Variants in LRGUK observed in about 807,000 individuals in gnomAD.
The protein encoded by LRGUK is leucine-rich repeat and guanylate kinase domain-containing protein.
In LRGUK, 65 loss-of-function variants were observed where a neutral mutation model predicts 76.0. The observed-to-expected ratio is 0.85, with a 90% confidence interval of 0.70 to 1.05. The LOEUF (loss-of-function observed/expected upper bound fraction) is 1.05, where lower values mean the gene tolerates loss of function less well. Among genes scored for constraint, LRGUK ranks in the 50% least tolerant of loss-of-function variants. The pLI, the probability that LRGUK is intolerant of heterozygous loss-of-function variation, is 0.00. For missense variants in LRGUK, 758 were observed against 732.8 expected (o/e 1.03, Z -0.40); for synonymous variants, 268 against 265.6 (o/e 1.01, Z -0.09).
At chr7:134,152,664 A>G (rs1479777352) in intron 5 of LRGUK, among the ~76,000 whole-genome samples, 2 of 152,104 alleles carry the variant, frequency 1.3e-5, no homozygotes, top group Non-Finnish European at 2.9e-5. Flanking sequence ...ACCACCGTGG[A>G]AAACAATTTT....
chr7:134,173,210 T>A (rs1016075017), intron 7 of LRGUK, among the ~76,000 whole-genome samples: 3 of 152,210 alleles, frequency 2.0e-5, no homozygotes, highest in Non-Finnish European at 4.4e-5. Flanking sequence ...CTAACAAGAT[T>A]AATGTGTTCA....
intron 16 of LRGUK, among the ~76,000 whole-genome samples, chr7:134,224,462 C>T (rs1801681518): frequency 1.3e-5 from 2 of 152,082 alleles, no homozygotes; most frequent in African/African-American, 2.4e-5. Context: ...GATCAGAAAA[C>T]CAAGTACCAC....
chr7:134,256,351 C>T (rs1585606970), intron 18 of LRGUK, among the ~76,000 whole-genome samples: 1 of 149,780 alleles, frequency 6.7e-6, no homozygotes, highest in South Asian at 2.2e-4. Context: ...CCCAGCTACT[C>T]GGGAGGCTGA....
exon 2 of LRGUK, chr7:134,137,059 G>T: frequency 6.2e-7 from 1 of 1,613,590 alleles, no homozygotes; most frequent in Non-Finnish European, 8.5e-7. Flanking sequence ...GGAGGCTGTG[G>T]CCAAAGCACT....
chr7:134,266,851 A>T (rs1252196091), downstream of LRGUK, among the ~76,000 whole-genome samples: 5 of 152,220 alleles, frequency 3.3e-5, no homozygotes, highest in Admixed American at 3.3e-4. Context: ...ACACATAATA[A>T]TCACACTACT....
chr7:134,257,509 A>G (rs1802614991), intron 18 of LRGUK, among the ~76,000 whole-genome samples: 1 of 152,164 alleles, frequency 6.6e-6, no homozygotes, highest in Non-Finnish European at 1.5e-5. Context: ...ACATTATCCT[A>G]AAAATGGAAA....
chr7:134,203,462 C>A (rs1800872943), intron 15 of LRGUK, among the ~76,000 whole-genome samples: 1 of 152,140 alleles, frequency 6.6e-6, no homozygotes, highest in South Asian at 2.1e-4. Flanking sequence ...TGCCAGACTT[C>A]AAACCAATGC....
At chr7:134,228,395 T>C (rs1801814235) in intron 16 of LRGUK, among the ~76,000 whole-genome samples, 1 of 151,984 alleles carries the variant, frequency 6.6e-6, no homozygotes, top group East Asian at 1.9e-4. Flanking sequence ...GTGTCATAGA[T>C]AGAGAAAAAA....
intron 9 of LRGUK, 65 bp from the exon 10 acceptor site, chr7:134,178,438 C>T: frequency 7.9e-7 from 1 of 1,266,996 alleles, no homozygotes; most frequent in Non-Finnish European, 1.1e-6. Context: ...AGGAAAAATC[C>T]AAGCTTTGTC....
chr7:134,249,122 G>T (rs1802383932), intron 18 of LRGUK, 46 bp downstream of exon 18: 2 of 1,505,712 alleles, frequency 1.3e-6, no homozygotes, highest in Non-Finnish European at 1.8e-6. Flanking sequence ...TTTTCTGCTG[G>T]TTAGTTAAAA....
exon 1 of LRGUK, chr7:134,127,444 G>C: frequency 6.2e-7 from 1 of 1,613,934 alleles, no homozygotes; most frequent in Non-Finnish European, 8.5e-7. Flanking sequence ...TCCCGAACTG[G>C]AGCCCGATCG....
At chr7:134,132,061 G>A (rs1017325762) in intron 1 of LRGUK, among the ~76,000 whole-genome samples, 5 of 152,192 alleles carry the variant, frequency 3.3e-5, no homozygotes, top group African/African-American at 4.8e-5. Flanking sequence ...TCTCAAGAAC[G>A]TGATGACAGG....
chr7:134,148,843 A>T (rs1364998893), intron 5 of LRGUK, among the ~76,000 whole-genome samples: 3 of 152,000 alleles, frequency 2.0e-5, no homozygotes, highest in Non-Finnish European at 4.4e-5. Context: ...TGAACCAGGG[A>T]AGTGGAGGTT....
chr7:134,176,334 A>T (rs969715335), intron 8 of LRGUK, among the ~76,000 whole-genome samples: 1 of 152,154 alleles, frequency 6.6e-6, no homozygotes, highest in Admixed American at 6.5e-5. Flanking sequence ...ACCCTTACCT[A>T]TGTAAGAAAC....
intron 12 of LRGUK, among the ~76,000 whole-genome samples, chr7:134,195,152 C>CA (rs1207315594): frequency 6.6e-6 from 1 of 152,112 alleles, no homozygotes; most frequent in Non-Finnish European, 1.5e-5. Flanking sequence ...TGGGTGGTGC[C>CA]AGCTGATCCA....
chr7:134,211,659 A>G (rs1801276673), downstream of LRGUK, among the ~76,000 whole-genome samples: 1 of 152,210 alleles, frequency 6.6e-6, no homozygotes, highest in Non-Finnish European at 1.5e-5. Flanking sequence ...ATCTCATGTA[A>G]ATTAGCTCAT....
intron 12 of LRGUK, 21 bp from the exon 13 acceptor site, chr7:134,196,971 T>A (rs1685439667): frequency 7.5e-7 from 1 of 1,332,150 alleles, no homozygotes; most frequent in Admixed American, 1.7e-5. Context: ...TATGAAAATC[T>A]TTGTTCTTCT....
chr7:134,128,601 GTGCAGTGGTGCGGTCTCCGCTCA>G (rs1797133212), intron 1 of LRGUK, among the ~76,000 whole-genome samples: 1 of 152,208 alleles, frequency 6.6e-6, no homozygotes, highest in Non-Finnish European at 1.5e-5. Context: ...CCAGGCGGGA[GTGCAGTGGTGCGGTCTCCGCTCA>G]TTGCAAGCTC....
chr7:134,223,812 G>T (rs918076459), intron 16 of LRGUK, among the ~76,000 whole-genome samples: 4 of 152,128 alleles, frequency 2.6e-5, no homozygotes, highest in African/African-American at 9.7e-5. Context: ...TGTAGAGACA[G>T]GGTCTTGACA....
Sources: allele counts gnomAD v4.1 joint callset (sites outside exome capture counted in the v4.1 genomes callset), GRCh38; gene constraint gnomAD v4.1.1; transcripts MANE v1.5; gene names NCBI Gene and HGNC (gene_info 2026-07-23, HGNC 2026-07-21).